The following PCDH9 variants were observed in gnomAD, a reference collection of about 807,000 sequenced individuals.
The protein encoded by PCDH9 is protocadherin 9.
PCDH9 carries 24 observed loss-of-function variants against 70.6 expected under a neutral mutation model. The ratio of observed to expected loss-of-function variants is 0.34; its 90% confidence interval spans 0.25 to 0.48. The LOEUF (loss-of-function observed/expected upper bound fraction) is 0.48. Among genes scored for constraint, PCDH9 ranks in the 20% least tolerant of loss-of-function variants. PCDH9 has a pLI of 0.99. For missense variants in PCDH9, 1,281 were observed against 1,503.6 expected (o/e 0.85, Z 2.45); for synonymous variants, 562 against 558.5 (o/e 1.01, Z -0.09).
intron 2 of PCDH9, among the ~76,000 whole-genome samples, chr13:66,929,889 G>C (rs528214732): frequency 6.6e-6 from 1 of 152,134 alleles, no homozygotes. Flanking sequence ...AACTGAAAGA[G>C]ATATTGAGCT....
intron 2 of PCDH9, among the ~76,000 whole-genome samples, chr13:67,174,369 T>C (rs75248868): frequency 6.6e-6 from 1 of 150,664 alleles, no homozygotes; most frequent in South Asian, 2.1e-4. Flanking sequence ...GGAAGAAAAA[T>C]TTATCGCTTA....
intron 4 of PCDH9, among the ~76,000 whole-genome samples, chr13:66,611,875 T>C (rs1292737032): frequency 6.6e-6 from 1 of 152,162 alleles, no homozygotes; most frequent in Non-Finnish European, 1.5e-5. Flanking sequence ...CCCATTGCAA[T>C]CTGTATGACA....
chr13:66,404,250 A>G, intron 4 of PCDH9, among the ~76,000 whole-genome samples: 1 of 152,198 alleles, frequency 6.6e-6, no homozygotes, highest in East Asian at 1.9e-4. Flanking sequence ...TTTATGTGTA[A>G]GTGATAGGAA....
At chr13:67,010,353 T>C (rs1594387250) in intron 2 of PCDH9, among the ~76,000 whole-genome samples, 1 of 151,970 alleles carries the variant, frequency 6.6e-6, no homozygotes. Flanking sequence ...TGTAATCCAT[T>C]ATGTTGAGGC....
chr13:67,198,381 G>T (rs895901574), intron 2 of PCDH9, among the ~76,000 whole-genome samples: 1 of 151,792 alleles, frequency 6.6e-6, no homozygotes, highest in Non-Finnish European at 1.5e-5. Context: ...TATTCAAAAA[G>T]TATTTATTGA....
intron 4 of PCDH9, among the ~76,000 whole-genome samples, chr13:66,614,872 T>C (rs2077337103): frequency 6.6e-6 from 1 of 152,220 alleles, no homozygotes; most frequent in Admixed American, 6.5e-5. Context: ...TGTGTCTGGT[T>C]TCCATTGGCT....
At chr13:66,443,406 T>C (rs1212163424) in intron 4 of PCDH9, among the ~76,000 whole-genome samples, 2 of 152,198 alleles carry the variant, frequency 1.3e-5, no homozygotes, top group Non-Finnish European at 2.9e-5. Context: ...AGGTTTTATG[T>C]TTTTATTGTT....
At chr13:66,456,008 T>C (rs1958310428) in intron 4 of PCDH9, among the ~76,000 whole-genome samples, 1 of 152,186 alleles carries the variant, frequency 6.6e-6, no homozygotes, top group Non-Finnish European at 1.5e-5. Flanking sequence ...TTTATCTGAT[T>C]TGAAGGTCCA....
At chr13:66,926,292 T>C (rs1437278264) in intron 2 of PCDH9, among the ~76,000 whole-genome samples, 1 of 152,020 alleles carries the variant, frequency 6.6e-6, no homozygotes, top group African/African-American at 2.4e-5. Flanking sequence ...CCTCACAGTA[T>C]CTTGTAGTAA....
intron 2 of PCDH9, among the ~76,000 whole-genome samples, chr13:66,937,181 T>G (rs1172607814): frequency 6.6e-6 from 1 of 152,244 alleles, no homozygotes; most frequent in Non-Finnish European, 1.5e-5. Flanking sequence ...GCTATGGATT[T>G]TACATGCATT....
At chr13:67,198,928 T>G (rs2089142451) in intron 2 of PCDH9, among the ~76,000 whole-genome samples, 1 of 151,814 alleles carries the variant, frequency 6.6e-6, no homozygotes, top group Non-Finnish European at 1.5e-5. Context: ...AAAAAAAGAA[T>G]ACTTATTAAT....
intron 2 of PCDH9, among the ~76,000 whole-genome samples, chr13:67,143,097 T>C (rs1229139375): frequency 6.6e-6 from 1 of 151,994 alleles, no homozygotes; most frequent in Non-Finnish European, 1.5e-5. Context: ...CAAAATGAAA[T>C]GAGAAAACAG....
chr13:67,008,015 A>G (rs9540970), intron 2 of PCDH9, among the ~76,000 whole-genome samples: 30,538 of 152,146 alleles, frequency 0.2, 3,301 homozygotes, highest in Non-Finnish European at 0.22. Context: ...TTCATGAAAC[A>G]CAAATATATT....
intron 3 of PCDH9, among the ~76,000 whole-genome samples, chr13:66,689,252 A>G (rs1566507306): frequency 6.6e-6 from 1 of 152,168 alleles, no homozygotes; most frequent in Non-Finnish European, 1.5e-5. Flanking sequence ...TTCCAAAACT[A>G]GAGACCCCCA....
chr13:67,067,521 A>T (rs921757317), intron 2 of PCDH9, among the ~76,000 whole-genome samples: 4 of 152,112 alleles, frequency 2.6e-5, no homozygotes, highest in African/African-American at 9.7e-5. Flanking sequence ...CCTATCGGAT[A>T]GCACATACTT....
intron 3 of PCDH9, among the ~76,000 whole-genome samples, chr13:66,699,157 T>C (rs1274873427): frequency 6.6e-6 from 1 of 151,974 alleles, no homozygotes; most frequent in East Asian, 1.9e-4. Context: ...TAAGTGATCC[T>C]CCTTCGTTGG....
chr13:67,016,909 A>G (rs529154220), intron 2 of PCDH9, among the ~76,000 whole-genome samples: 2 of 152,308 alleles, frequency 1.3e-5, no homozygotes, highest in South Asian at 4.1e-4. Context: ...CACCTACTAC[A>G]TAGGACCCAA....
intron 3 of PCDH9, among the ~76,000 whole-genome samples, chr13:66,796,755 T>C (rs2080248273): frequency 6.6e-6 from 1 of 152,124 alleles, no homozygotes; most frequent in Non-Finnish European, 1.5e-5. Context: ...GCCTAGGAGA[T>C]ATAGACATAT....
At chr13:67,003,020 A>G (rs1413570441) in intron 2 of PCDH9, among the ~76,000 whole-genome samples, 2 of 151,832 alleles carry the variant, frequency 1.3e-5, no homozygotes, top group East Asian at 1.9e-4. Flanking sequence ...TAGAAGTCAA[A>G]TTTAGAGATG....
Sources: gnomAD v4.1 joint callset for allele counts (sites outside exome capture counted in the v4.1 genomes callset) on GRCh38, gnomAD v4.1.1 for gene constraint, MANE v1.5 for transcripts, NCBI Gene and HGNC (gene_info 2026-07-23, HGNC 2026-07-21) for gene names.